CYP26B1: variants seen among roughly 807,000 people sequenced by gnomAD.
CYP26B1 encodes the protein cytochrome P450 family 26 subfamily B member 1.
Under a neutral mutation model 39.1 loss-of-function variants are expected in CYP26B1, and 8 were observed. The ratio of observed to expected loss-of-function variants is 0.20; its 90% confidence interval spans 0.12 to 0.37. The LOEUF (loss-of-function observed/expected upper bound fraction) is 0.37. Among genes scored for constraint, CYP26B1 ranks in the 10% least tolerant of loss-of-function variants. The probability of loss-of-function intolerance (pLI) is 1.00; values close to 1 mark genes in which losing one functional copy is unlikely to be tolerated. For missense variants in CYP26B1, 615 were observed against 707.0 expected (o/e 0.87, Z 1.48); for synonymous variants, 321 against 314.3 (o/e 1.02, Z -0.23).
intron 2 of CYP26B1, among the ~76,000 whole-genome samples, chr2:72,140,994 T>C (rs1018875916): frequency 2.6e-5 from 4 of 152,132 alleles, no homozygotes; most frequent in Non-Finnish European, 5.9e-5. Context: ...TCCAGTCCTA[T>C]CTCCAAAGGA....
chr2:72,147,076 C>T lies in CYP26B1; in HGVS notation c.204+555G>A, dbSNP rs1171688588. Among the ~76,000 whole-genome samples the T allele has an allele frequency of 6.6e-6, 1 of 152,234 alleles. No homozygotes were observed. The highest frequency in any genetic ancestry group is 1.5e-5 in the Non-Finnish European group (1 of 68,042). The stretch of plus-strand genomic sequence containing the variant: ...ACCTTCTTCCTCTTCCACCACAAAA[C>T]AGACACACTCGCGCGGACCGCGGAC... On this transcript the variant is annotated intron_variant, in intron 1 of 5. Coordinates refer to ENST00000001146, the MANE Select transcript of CYP26B1 (RefSeq NM_019885.4). The surrounding 1 kb of genome is among the most constrained non-coding windows in gnomAD (Gnocchi z 6.1).
Position 72,132,428 on chromosome 2 carries a change from C to T in CYP26B1, c.1338G>A (p.Leu446=). The change falls in exon 6 of 6, where the codon CTG becomes CTA. Residue 446 remains leucine, a synonymous_variant. Transcript: ENST00000001146. Reference sequence around the variant, plus strand: ...CCAGCACCTTCAGGAACAGCTTGGCCAGGTGCTTGCCCAGGCAGGTCCGGA... The same window carrying T: ...CCAGCACCTTCAGGAACAGCTTGGCTAGGTGCTTGCCCAGGCAGGTCCGGA... ...GGVRTCLGKH[L]AKLFLKVLAV... is the part of the protein sequence containing the mutation. 1 of 1,613,094 alleles carries T rather than the reference C, an allele frequency of 6.2e-7. No homozygotes were observed. The highest frequency in any genetic ancestry group is 8.5e-7 in the Non-Finnish European group (1 of 1,179,492).
At chr2:72,143,937 T>A in intron 2 of CYP26B1, 52 bp downstream of exon 2, 1 of 1,601,680 alleles carries the variant, frequency 6.2e-7, no homozygotes, top group Non-Finnish European at 8.5e-7. Context: ...AGGAACTCCT[T>A]GCCCCGAGGT....
Position 72,135,292 on chromosome 2 carries a change from T to C in CYP26B1, c.557A>G (p.Gln186Arg), listed in dbSNP as rs1447524545. The C allele has an allele frequency of 3.7e-6, 6 of 1,613,988 alleles. No individual in the cohort carries two copies. Among genetic ancestry groups the C allele is most frequent in the African/African-American group, 1.3e-5 (1 of 74,956 alleles). Residue 186 changes from glutamine to arginine, a missense_variant, in exon 3 of 6, where the codon CAG (glutamine) becomes CGG (arginine). Coordinates refer to ENST00000001146, the MANE Select transcript of CYP26B1 (RefSeq NM_019885.4). Reference sequence around the variant, plus strand: ...GATGGCCATGCGGAAGGTCAGCTTCTGCGCCTCCTGGTACACGTTGATGGC... The same window carrying C: ...GATGGCCATGCGGAAGGTCAGCTTCCGCGCCTCCTGGTACACGTTGATGGC... Reference protein sequence around the residue: ...PEAINVYQEAQKLTFRMAIRV... With the variant: ...PEAINVYQEARKLTFRMAIRV...
Position 72,132,958 on chromosome 2 carries a change from C to T in CYP26B1, c.1146+65G>A, listed in dbSNP as rs948667922. ...GTCCCTGAAATGGAGGCTGGTGCCC[C>T]GCCTTGCCCCTATCCCGGTGCCCCT... is the stretch of plus-strand genomic sequence containing the variant. On this transcript the variant is annotated intron_variant, in intron 5 of 5. Transcript: ENST00000001146. The T allele has an allele frequency of 5.7e-5, 92 of 1,606,756 alleles. No individual in the cohort carries two copies. In the Middle Eastern group the frequency reaches 6.8e-4, roughly 12 times the overall value.
rs1021868110 is a variant in CYP26B1, at chr2:72,131,264, G to C, written c.*963C>G. The stretch of plus-strand genomic sequence containing the variant: ...GACTTCAGTCCAGGAGTGAGGCTCC[G>C]AGATTAAACCCAAATAATGCCCGGA... On this transcript the variant is annotated 3_prime_UTR_variant, in exon 6 of 6. Transcript: ENST00000001146. The C allele has an allele frequency of 6.6e-6, 1 of 152,358 alleles. No individual in the cohort carries two copies. Among genetic ancestry groups the C allele is most frequent in the Non-Finnish European group, 1.5e-5 (1 of 68,054 alleles). The allele number at this position is 152,358 out of a possible 1,614,324, so 9.4% of individuals were successfully genotyped here.
intron 3 of CYP26B1, 51 bp from the exon 4 acceptor site, chr2:72,134,967 G>C: frequency 6.2e-7 from 1 of 1,608,906 alleles, no homozygotes; most frequent in South Asian, 1.1e-5. Flanking sequence ...TCCCATCTGA[G>C]CCTCGGGACC....
chr2:72,138,256 G>C (rs933567176), intron 2 of CYP26B1, among the ~76,000 whole-genome samples: 2 of 152,148 alleles, frequency 1.3e-5, no homozygotes, highest in African/African-American at 2.4e-5. Context: ...GTCTGTGCCC[G>C]GGGGGTAACA....
Position 72,145,649 on chromosome 2 carries a change from T to C in CYP26B1, c.205-1436A>G, listed in dbSNP as rs192805540. ...TCTCCTTCTTTTCCTCTGTTTTTCT[T>C]TTCTTTCAACACAAAAGTTGGGTTG... On this transcript the variant is annotated intron_variant, in intron 1 of 5. Coordinates refer to ENST00000001146, the MANE Select transcript of CYP26B1 (RefSeq NM_019885.4). 1.4e-4 allele frequency among the ~76,000 whole-genome samples: 21 copies of C among 152,334 alleles called. No individual in the cohort carries two copies. In the East Asian group the frequency reaches 3.1e-3, roughly 22 times the overall value.
intron 2 of CYP26B1, among the ~76,000 whole-genome samples, chr2:72,137,537 G>GC (rs11414631): frequency 1 from 152,287 of 152,292 alleles, 76,141 homozygotes; most frequent in Non-Finnish European, 1. Context: ...GGCCATAGTG[G>GC]CCAGGAGGGG....
At position 72,147,710 on chromosome 2, in the gene CYP26B1, T is replaced by C; in HGVS notation, c.125A>G (p.Asp42Gly). Reference protein sequence around the residue: ...LWQLRWAATRDKSCKLPIPKG... With the variant: ...LWQLRWAATRGKSCKLPIPKG... ...GGGGATGGGCAGCTTGCAGCTCTTG[T>C]CGCGAGTGGCGGCCCAGCGCAGCTG... is the stretch of plus-strand genomic sequence containing the variant. The change falls in exon 1 of 6, where the codon GAC (aspartate) becomes GGC (glycine). Residue 42 changes from aspartate (D) to glycine (G), a missense_variant. Asp to Gly is a moderately conservative substitution (Grantham distance 94, BLOSUM62 -1). Coordinates refer to ENST00000001146, the MANE Select transcript of CYP26B1 (RefSeq NM_019885.4). The surrounding 1 kb of genome is among the most constrained non-coding windows in gnomAD (Gnocchi z 6.1). The C allele has an allele frequency of 6.2e-7, 1 of 1,605,518 alleles. No individual in the cohort carries two copies. Among genetic ancestry groups the C allele is most frequent in the Non-Finnish European group, 8.5e-7 (1 of 1,176,534 alleles).
chr2:72,136,126 A>C (rs1318601392), intron 2 of CYP26B1, among the ~76,000 whole-genome samples: 1 of 152,034 alleles, frequency 6.6e-6, no homozygotes. Context: ...ACAGGTTTTC[A>C]TGTGTGGAGG....
At chr2:72,133,405 G>A in intron 4 of CYP26B1, 98 bp from the exon 5 acceptor site, 1 of 1,443,100 alleles carries the variant, frequency 6.9e-7, no homozygotes, top group Non-Finnish European at 9.4e-7. Context: ...GGTCATCTGT[G>A]CTGGGCCCTG....
intron 2 of CYP26B1, among the ~76,000 whole-genome samples, chr2:72,139,362 G>T (rs537042844): frequency 6.6e-6 from 1 of 152,338 alleles, no homozygotes; most frequent in Admixed American, 6.5e-5. Flanking sequence ...CATCTTCCCA[G>T]CTGCCTGGCT....
intron 1 of CYP26B1, among the ~76,000 whole-genome samples, chr2:72,145,722 A>G (rs1342117279): frequency 6.6e-6 from 1 of 151,516 alleles, no homozygotes; most frequent in Non-Finnish European, 1.5e-5. Flanking sequence ...CCCGCCTCTG[A>G]TCTGCCTAAC....
At chr2:72,141,544 T>A (rs1377943394) in intron 2 of CYP26B1, among the ~76,000 whole-genome samples, 1 of 152,044 alleles carries the variant, frequency 6.6e-6, no homozygotes, top group Non-Finnish European at 1.5e-5. Flanking sequence ...TGCACGTACC[T>A]CCTAACCAGG....
chr2:72,147,835 G>A lies in CYP26B1; in HGVS notation c.-1C>T. 1.3e-6 allele frequency: 2 copies of A among 1,521,530 alleles called. No homozygotes were observed. The highest frequency in any genetic ancestry group is 1.2e-5 in the South Asian group (1 of 81,326). The allele number at this position is 1,521,530 out of a possible 1,614,324, so 94.3% of individuals were successfully genotyped here. A position where few individuals can be genotyped will look rare whatever the true frequency, so the allele number is the denominator to read the frequency against. On this transcript the variant is annotated 5_prime_UTR_variant, in exon 1 of 6. Transcript: ENST00000001146. The surrounding 1 kb of genome is among the most constrained non-coding windows in gnomAD (Gnocchi z 6.1). ...CCAGATCCAAGCCCTCAAAGAGCATGTTGGCGGCCGCTCGGGGGATTGGCT... is the reference window on the plus strand; with the variant it reads ...CCAGATCCAAGCCCTCAAAGAGCATATTGGCGGCCGCTCGGGGGATTGGCT...
At chr2:72,144,494 C>G (rs1465059762) in intron 1 of CYP26B1, 23 of 1,209,698 alleles carry the variant, frequency 1.9e-5, no homozygotes, top group African/African-American at 4.7e-5. Context: ...GTATCCCGGA[C>G]AGCTGGACCC....
chr2:72,145,314 A>G (rs541783370), intron 1 of CYP26B1, among the ~76,000 whole-genome samples: 1 of 152,304 alleles, frequency 6.6e-6, no homozygotes, highest in East Asian at 1.9e-4. Context: ...ACAGCCGAAA[A>G]GTGACTCTGC....
Sources: gnomAD v4.1 joint callset for allele counts (sites outside exome capture counted in the v4.1 genomes callset) on GRCh38, gnomAD v4.1.1 for gene constraint, Gnocchi (gnomAD v3.1) non-coding constraint, MANE v1.5 for transcripts, NCBI Gene and HGNC (gene_info 2026-07-23, HGNC 2026-07-21) for gene names.